Variants in AKAP9 observed in about 807,000 individuals in gnomAD.
AKAP9 encodes the protein A-kinase anchor protein 9.
Under a neutral mutation model 488.5 loss-of-function variants are expected in AKAP9, and 311 were observed. That is an observed-to-expected ratio of 0.64 (90% confidence interval 0.58 to 0.70). AKAP9 has a LOEUF of 0.70. AKAP9 is among the 30% of genes least tolerant of loss of function. AKAP9 has a pLI of 0.00. For missense variants in AKAP9, 4,215 were observed against 4,374.5 expected (o/e 0.96, Z 1.03); for synonymous variants, 1,462 against 1,483.5 (o/e 0.99, Z 0.33).
intron 1 of AKAP9, among the ~76,000 whole-genome samples, chr7:91,943,850 C>A (rs568828833): frequency 6.6e-6 from 1 of 152,246 alleles, no homozygotes; most frequent in African/African-American, 2.4e-5. Flanking sequence ...TTTAAATGAT[C>A]ATTTTCCAAA....
intron 14 of AKAP9, among the ~76,000 whole-genome samples, chr7:92,027,614 C>G (rs1803508175): frequency 2.3e-5 from 3 of 129,098 alleles, no homozygotes. Context: ...AGCGCCTCTG[C>G]CTGGCCGCCC....
chr7:91,975,433 A>C (rs749388933), intron 2 of AKAP9, among the ~76,000 whole-genome samples: 2 of 152,206 alleles, frequency 1.3e-5, no homozygotes, highest in Non-Finnish European at 2.9e-5. Flanking sequence ...ATACAACTAA[A>C]TTTGTATATT....
chr7:91,986,619 T>A (rs867048044), intron 3 of AKAP9, among the ~76,000 whole-genome samples: 2 of 152,224 alleles, frequency 1.3e-5, no homozygotes, highest in Middle Eastern at 6.8e-3. Flanking sequence ...TGTAGGAAAA[T>A]GTTAATTAAT....
chr7:92,053,068 C>G, intron 22 of AKAP9, 110 bp downstream of exon 22: 1 of 930,376 alleles, frequency 1.1e-6, no homozygotes, highest in East Asian at 2.6e-5. Context: ...TTGGCATTTT[C>G]AAAGCTTGAA....
chr7:92,034,711 G>C (rs998240381), intron 16 of AKAP9, among the ~76,000 whole-genome samples: 10 of 150,342 alleles, frequency 6.7e-5, no homozygotes, highest in African/African-American at 2.0e-4. Flanking sequence ...GTTTCATCAT[G>C]TTGGCTGTAA....
chr7:92,082,331 A>G (rs1024319482), intron 31 of AKAP9, among the ~76,000 whole-genome samples, 191 bp from the exon 32 acceptor site: 1 of 152,198 alleles, frequency 6.6e-6, no homozygotes, highest in African/African-American at 2.4e-5. Context: ...GAAGAAAATC[A>G]TTGTCTCAAG....
At chr7:91,972,028 G>A (rs1175122058) in intron 1 of AKAP9, among the ~76,000 whole-genome samples, 1 of 114,604 alleles carries the variant, frequency 8.7e-6, no homozygotes, top group African/African-American at 3.5e-5. Context: ...CTCTGTTTCA[G>A]TACTACATAA....
Position 92,105,668 on chromosome 7 carries a change from T to C in AKAP9, c.11331-10T>C, listed in dbSNP as rs1268800993. The stretch of plus-strand genomic sequence containing the variant: ...TGGGCTGTGAAATTTTATCTTGGAA[T>C]CTTTTTTAGAATGAAATTTTTGGTT... On this transcript the variant is annotated splice_polypyrimidine_tract_variant and intron_variant, in intron 46 of 49. Coordinates refer to ENST00000356239, the MANE Select transcript of AKAP9 (RefSeq NM_005751.5). 1 of 1,609,932 alleles carries C rather than the reference T, an allele frequency of 6.2e-7. No individual in the cohort carries two copies. The highest frequency in any genetic ancestry group is 8.5e-7 in the Non-Finnish European group (1 of 1,176,142).
chr7:92,023,651 AAC>A (rs1802651710), intron 14 of AKAP9, among the ~76,000 whole-genome samples: 1 of 152,176 alleles, frequency 6.6e-6, no homozygotes, highest in Non-Finnish European at 1.5e-5. Flanking sequence ...GTCTGTTCTC[AAC>A]ACAGTTAAAG....
At position 92,089,509 on chromosome 7, in the gene AKAP9, A is replaced by G. The variant is rs1437389176; in HGVS notation, c.9338A>G (p.Glu3113Gly). ...AAAATTACTCTGAAAAGAGAACAAG[A>G]GAGTGAGAAACCAAGCCAAGGTATG... The part of the protein sequence containing the change: ...GRKITLKREQ[E>G]SEKPSQELLE... The change falls in exon 38 of 50, where the codon GAG becomes GGG. Residue 3113 changes from glutamate (E) to glycine (G), a missense_variant. Around this residue, in one of 5 missense-constraint regions of AKAP9, gnomAD observed 1,476 missense variants for 1,477.4 expected, o/e 1.00. Transcript: ENST00000356239. 2 of 1,613,414 alleles carry G rather than the reference A, an allele frequency of 1.2e-6. No homozygotes were observed. Among genetic ancestry groups the G allele is most frequent in the Non-Finnish European group, 1.7e-6 (2 of 1,179,660 alleles).
chr7:92,053,563 C>T (rs906485860), intron 22 of AKAP9, among the ~76,000 whole-genome samples: 2 of 152,186 alleles, frequency 1.3e-5, no homozygotes, highest in Non-Finnish European at 1.5e-5. Context: ...CAGCTCATAG[C>T]AGCTGTCTGC....
At chr7:92,014,019 G>GT (rs1405750860) in intron 9 of AKAP9, among the ~76,000 whole-genome samples, 3 of 152,098 alleles carry the variant, frequency 2.0e-5, no homozygotes, top group Non-Finnish European at 2.9e-5. Flanking sequence ...ATTTTTTTGT[G>GT]TTGGGTTGTA....
rs777495665 is a variant in AKAP9 at position 91,941,109 on chromosome 7, G to C, written c.10G>C (p.Glu4Gln). ...CTTCCTTGCAGAGGCCATGGAGGAC[G>C]AGGAGAGACAGAAGAAGCTGGAGGC... MED[E>Q]ERQKKLEAGK... The change falls in exon 1 of 50, where the codon GAG becomes CAG. Residue 4 changes from glutamate to glutamine, a missense_variant. Glu to Gln is a conservative substitution (Grantham distance 29). Around this residue, in one of 5 missense-constraint regions of AKAP9, gnomAD observed 2,361 missense variants for 2,430.0 expected, o/e 0.97. Coordinates refer to ENST00000356239, the MANE Select transcript of AKAP9 (RefSeq NM_005751.5). 5.2e-5 allele frequency: 84 copies of C among 1,613,970 alleles called. No individual in the cohort carries two copies. The highest frequency in any genetic ancestry group is 1.7e-5 in the Admixed American group (1 of 60,002).
intron 22 of AKAP9, among the ~76,000 whole-genome samples, chr7:92,056,617 C>T (rs1251841049): frequency 6.6e-6 from 1 of 151,638 alleles, no homozygotes; most frequent in Non-Finnish European, 1.5e-5. Context: ...ATTTTTATTG[C>T]CTAGTCCAGA....
At position 92,086,223 on chromosome 7, in the gene AKAP9, G is replaced by A. The variant is rs1404779221; in HGVS notation, c.9025-5G>A. 1 of 1,612,064 alleles carries A rather than the reference G, an allele frequency of 6.2e-7. No homozygotes were observed. Among genetic ancestry groups the A allele is most frequent in the Non-Finnish European group, 8.5e-7 (1 of 1,178,450 alleles). ...AACTAACTATCGTTATATGTACTTT[G>A]CTAGGTTTATGATAGTTCTCAATCT... On this transcript the variant is annotated splice_polypyrimidine_tract_variant and splice_region_variant and intron_variant, in intron 36 of 49. Coordinates refer to ENST00000356239, the MANE Select transcript of AKAP9 (RefSeq NM_005751.5).
Position 92,070,915 on chromosome 7 carries a change from G to A in AKAP9, c.6518G>A (p.Arg2173Gln), listed in dbSNP as rs749345540. 131 of 1,612,288 alleles carry A rather than the reference G, an allele frequency of 8.1e-5. No individual in the cohort carries two copies. The highest frequency in any genetic ancestry group is 5.4e-4 in the South Asian group (49 of 91,040). The change falls in exon 28 of 50, where the codon CGA becomes CAA. Residue 2173 changes from arginine (R) to glutamine (Q), a missense_variant. Around this residue, in one of 5 missense-constraint regions of AKAP9, gnomAD observed 2,361 missense variants for 2,430.0 expected, o/e 0.97. Transcript: ENST00000356239. The part of the protein sequence containing the change: ...SADTFQKVED[R>Q]KHFGAVEAKP... ...TTTATATATTTAAAGGTAGAGGACC[G>A]AAAACACTTTGGAGCTGTAGAAGCT...
rs1227148127 is a variant in AKAP9 at position 92,002,461 on chromosome 7, C to T, written c.2544C>T (p.Asn848=). 1 of 1,610,452 alleles carries T rather than the reference C, an allele frequency of 6.2e-7. No individual in the cohort carries two copies. The highest frequency in any genetic ancestry group is 2.2e-5 in the East Asian group (1 of 44,774). ...QLNEEIEKQR[N]TFSFAEKNFE... ...ATGAAGAGATTGAAAAGCAAAGGAA[C>T]ACTTTTTCATTTGCTGAAAAAAACT... The change falls in exon 8 of 50, where the codon AAC becomes AAT. Residue 848 remains asparagine, a synonymous_variant. Coordinates refer to ENST00000356239, the MANE Select transcript of AKAP9 (RefSeq NM_005751.5).
At chr7:92,040,068 G>A (rs1174868229) in intron 17 of AKAP9, among the ~76,000 whole-genome samples, 2 of 152,124 alleles carry the variant, frequency 1.3e-5, no homozygotes, top group Non-Finnish European at 2.9e-5. Flanking sequence ...ACTGTTCAAA[G>A]CAAAATTATT....
Position 92,022,981 on chromosome 7 carries a change from G to C in AKAP9, c.4120G>C (p.Ala1374Pro). 6.2e-7 allele frequency: 1 copy of C among 1,614,026 alleles called. No homozygotes were observed. The highest frequency in any genetic ancestry group is 2.2e-5 in the East Asian group (1 of 44,842). ...EIHCLQKRLQ[A>P]VSESTVPPSL... ...CCACTGTTTACAGAAGAGGCTTCAA[G>C]CTGTTAGTGAGTCCACGGTTCCGCC... Residue 1374 changes from alanine to proline, a missense_variant, in exon 14 of 50, where the codon GCT becomes CCT. Physicochemically the swap from Ala to Pro is conservative, Grantham distance 27. This residue lies in a region of AKAP9 where 2,361 missense variants were observed against 2,430.0 expected (regional missense o/e 0.97). Transcript: ENST00000356239.
Sources: allele counts gnomAD v4.1 joint callset (sites outside exome capture counted in the v4.1 genomes callset), GRCh38; gene constraint gnomAD v4.1.1; regional missense constraint gnomAD v4.1.1; transcripts MANE v1.5; gene names NCBI Gene and HGNC (gene_info 2026-07-23, HGNC 2026-07-21).